The following MOB1B variants were observed in gnomAD, a reference collection of about 807,000 sequenced individuals.
MOB1B encodes the protein MOB1 Mps One Binder homolog B.
MOB1B carries 19 observed loss-of-function variants against 24.4 expected under a neutral mutation model. The ratio of observed to expected loss-of-function variants is 0.78; its 90% CI spans 0.54 to 1.14. The LOEUF is 1.14. Among genes scored for constraint, MOB1B ranks in the 50% most tolerant of loss-of-function variants. The pLI, the probability that MOB1B is intolerant of heterozygous loss-of-function variation, is 0.00. For synonymous variants in MOB1B, 76 were observed against 82.1 expected (o/e 0.93, Z 0.40); for missense variants, 243 against 259.6 (o/e 0.94, Z 0.44).
upstream of MOB1B, chr4:70,902,305 T>G: frequency 5.1e-6 from 3 of 585,492 alleles, no homozygotes; most frequent in Non-Finnish European, 6.2e-6. Flanking sequence ...CCGCCTCCCT[T>G]TCCTTCCCCT....
intron 1 of MOB1B, among the ~76,000 whole-genome samples, chr4:70,937,083 A>G (rs1235110730): frequency 2.0e-5 from 3 of 151,650 alleles, no homozygotes; most frequent in Non-Finnish European, 4.4e-5. Context: ...ACGCCTCTCT[A>G]ATTTTTGTAT....
At chr4:70,977,122 T>C (rs144194354) in intron 4 of MOB1B, among the ~76,000 whole-genome samples, 111 of 152,264 alleles carry the variant, frequency 7.3e-4, no homozygotes, top group African/African-American at 2.6e-3. Flanking sequence ...ACTTAGGAAA[T>C]TTATACTGAT....
rs1344823810 is a variant in MOB1B at position 70,983,431 on chromosome 4, A to G, written c.*1374A>G. 6.6e-6 allele frequency: 1 copy of G among 152,402 alleles called. No homozygotes were observed. Among genetic ancestry groups the G allele is most frequent in the Non-Finnish European group, 1.5e-5 (1 of 67,994 alleles). The allele number at this position is 152,402 out of a possible 1,614,324, so 9.4% of individuals were successfully genotyped here. ...CATGACTTTCTAGTGAATTATTACCATAAATAACAATTTCAGAAACTTAGT... is the reference window on the plus strand; with the variant it reads ...CATGACTTTCTAGTGAATTATTACCGTAAATAACAATTTCAGAAACTTAGT... On this transcript the variant is annotated 3_prime_UTR_variant, in exon 6 of 6. Transcript: ENST00000309395.
In MOB1B at chr4:70,921,195, C is replaced by T. The variant is rs1306163719; in HGVS notation, c.14+18645C>T. ...CAGTGTTACCTAGGGCCCCAGAAAA[C>T]TCACATAATGAATATTTTATTCCTG... On this transcript the variant is annotated intron_variant, in intron 1 of 5. Coordinates refer to ENST00000309395, the MANE Select transcript of MOB1B (RefSeq NM_173468.4). Among the ~76,000 whole-genome samples, 3 of 152,268 alleles carry T rather than the reference C, an allele frequency of 2.0e-5. No homozygotes were observed. In the East Asian group the frequency reaches 5.8e-4, roughly 29 times the overall value.
Position 70,902,516 on chromosome 4 carries a change from G to A in MOB1B, c.-21G>A. ...CCGAGGCCTCGCGACCGCCGAGCCT[G>A]CAGCCTGCCCCGCGGCCAACATGAG... On this transcript the variant is annotated 5_prime_UTR_variant, in exon 1 of 6. Transcript: ENST00000309395. 6.4e-7 allele frequency: 1 copy of A among 1,562,120 alleles called. No homozygotes were observed.
At chr4:70,951,907 T>C (rs928184941) in intron 1 of MOB1B, among the ~76,000 whole-genome samples, 13 of 152,350 alleles carry the variant, frequency 8.5e-5, no homozygotes, top group African/African-American at 2.9e-4. Flanking sequence ...TCCATAGTTA[T>C]GATGCTGTGT....
intron 1 of MOB1B, chr4:70,950,790 G>A: frequency 1.3e-6 from 2 of 1,529,722 alleles, no homozygotes; most frequent in Non-Finnish European, 8.8e-7. Context: ...CCTATGGAAG[G>A]AGCTACTGAT....
chr4:70,912,350 G>A (rs1736024987), intron 1 of MOB1B, among the ~76,000 whole-genome samples: 1 of 150,100 alleles, frequency 6.7e-6, no homozygotes, highest in Admixed American at 6.6e-5. Flanking sequence ...TGCGATCTCT[G>A]CTCACTGCAT....
intron 1 of MOB1B, among the ~76,000 whole-genome samples, chr4:70,904,752 C>G (rs1560623990): frequency 7.5e-6 from 1 of 133,378 alleles, no homozygotes; most frequent in Non-Finnish European, 1.5e-5. Flanking sequence ...GAGTGAGACT[C>G]TGTCTCAAAA....
In MOB1B at chr4:70,987,906, T is replaced by C. The variant is rs1477463486; in HGVS notation, c.*5849T>C. 2.6e-5 allele frequency: 4 copies of C among 152,598 alleles called. No homozygotes were observed. The East Asian group carries it at 5.8e-4, about 22-fold the overall frequency. 9.5% of individuals were successfully genotyped at this position (152,598 alleles called of 1,614,324 possible). ...ATCATCTAAGTTATGAAATCCAACA[T>C]AGGCGCTATATTACAAACTGTGCCG... On this transcript the variant is annotated 3_prime_UTR_variant, in exon 6 of 6. Coordinates refer to ENST00000309395, the MANE Select transcript of MOB1B (RefSeq NM_173468.4).
intron 4 of MOB1B, among the ~76,000 whole-genome samples, chr4:70,978,902 A>C (rs1039276355): frequency 6.6e-6 from 1 of 152,154 alleles, no homozygotes; most frequent in East Asian, 1.9e-4. Context: ...TAGAGACATA[A>C]CAGGCTGTAA....
At chr4:70,962,592 AG>A (rs1428577787) in intron 2 of MOB1B, among the ~76,000 whole-genome samples, 1 of 152,140 alleles carries the variant, frequency 6.6e-6, no homozygotes, top group Non-Finnish European at 1.5e-5. Flanking sequence ...TAAAACTTCT[AG>A]GAAAAAAAAA....
chr4:70,965,612 A>C (rs1738490061), intron 2 of MOB1B, among the ~76,000 whole-genome samples: 1 of 150,816 alleles, frequency 6.6e-6, no homozygotes, highest in East Asian at 1.9e-4. Context: ...CCTGGCTAAC[A>C]CGGCGGAACC....
At chr4:70,968,695 G>T (rs1319263313) in intron 2 of MOB1B, among the ~76,000 whole-genome samples, 1 of 152,154 alleles carries the variant, frequency 6.6e-6, no homozygotes, top group East Asian at 1.9e-4. Context: ...GCTCATTATA[G>T]CCTCGAACTC....
rs140427584 is a variant in MOB1B, at chr4:70,975,266, C to T, written c.389C>T (p.Thr130Met). 5.6e-6 allele frequency: 9 copies of T among 1,612,456 alleles called. No homozygotes were observed. Among genetic ancestry groups the T allele is most frequent in the South Asian group, 3.3e-5 (3 of 90,838 alleles). ...TWVQDQLDDE[T>M]LFPSKIGVPF... The stretch of plus-strand genomic sequence containing the variant: ...GTTCAGGACCAGTTGGATGATGAGA[C>T]GTTATTTCCATCAAAAATTGGTATA... Residue 130 changes from threonine to methionine, a missense_variant, in exon 4 of 6, where the codon ACG becomes ATG. Thr to Met is a moderately conservative substitution (Grantham distance 81, BLOSUM62 -1). Coordinates refer to ENST00000309395, the MANE Select transcript of MOB1B (RefSeq NM_173468.4).
chr4:70,905,349 T>C (rs940493174), intron 1 of MOB1B, among the ~76,000 whole-genome samples: 1 of 151,950 alleles, frequency 6.6e-6, no homozygotes, highest in Admixed American at 6.6e-5. Flanking sequence ...GGTGATCCTT[T>C]CATCTCAAAC....
chr4:70,940,286 C>T (rs993950252), intron 1 of MOB1B, among the ~76,000 whole-genome samples: 2 of 152,254 alleles, frequency 1.3e-5, no homozygotes, highest in East Asian at 3.9e-4. Context: ...AGGCCCAGCC[C>T]TCTCCAGAGA....
intron 1 of MOB1B, among the ~76,000 whole-genome samples, chr4:70,912,118 A>T (rs1371180174): frequency 6.6e-6 from 1 of 151,922 alleles, no homozygotes; most frequent in Admixed American, 6.6e-5. Context: ...GCTGGTCTTG[A>T]ACTCCTGGTC....
chr4:70,973,838 C>T lies in MOB1B; in HGVS notation c.276-1315C>T, dbSNP rs182038437. On this transcript the variant is annotated intron_variant, in intron 3 of 5. Coordinates refer to ENST00000309395, the MANE Select transcript of MOB1B (RefSeq NM_173468.4). Reference sequence around the variant, plus strand: ...GTATAGCTTGTTTAGTATTATTGTTCAGGTATAAGTAGTTCTGATTAAATA... The same window carrying T: ...GTATAGCTTGTTTAGTATTATTGTTTAGGTATAAGTAGTTCTGATTAAATA... Among the ~76,000 whole-genome samples the T allele has an allele frequency of 2.6e-4, 39 of 152,226 alleles. No homozygotes were observed. In the East Asian group the frequency reaches 6.9e-3, roughly 27 times the overall value.
Sources: allele counts gnomAD v4.1 joint callset (sites outside exome capture counted in the v4.1 genomes callset), GRCh38; gene constraint gnomAD v4.1.1; transcripts MANE v1.5; gene names NCBI Gene and HGNC (gene_info 2026-07-23, HGNC 2026-07-21).